ENOX1: variants seen among roughly 807,000 people sequenced by gnomAD.
The protein encoded by ENOX1 is ecto-NOX disulfide-thiol exchanger 1.
A neutral mutation model predicts 82.5 loss-of-function variants in ENOX1; 42 were observed. The observed-to-expected ratio is 0.51, with a 90% CI of 0.40 to 0.66. The LOEUF (loss-of-function observed/expected upper bound fraction) is 0.66, where lower values mean the gene tolerates loss of function less well. Among genes scored for constraint, ENOX1 ranks in the 30% least tolerant of loss-of-function variants. The pLI, the probability that ENOX1 is intolerant of heterozygous loss-of-function variation, is 0.00. For synonymous variants in ENOX1, 271 were observed against 282.2 expected (o/e 0.96, Z 0.40); for missense variants, 608 against 811.6 (o/e 0.75, Z 3.05).
chr13:43,719,274 T>A (rs919123917), intron 1 of ENOX1, among the ~76,000 whole-genome samples: 2 of 150,332 alleles, frequency 1.3e-5, no homozygotes, highest in Non-Finnish European at 2.9e-5. Context: ...ACCACTGAGT[T>A]GTAGTACTCC....
At chr13:43,512,969 G>A (rs1200805044) in intron 2 of ENOX1, among the ~76,000 whole-genome samples, 1 of 152,028 alleles carries the variant, frequency 6.6e-6, no homozygotes, top group Non-Finnish European at 1.5e-5. Flanking sequence ...CTGCCACCAT[G>A]GAGTTTATAG....
At chr13:43,327,076 C>T (rs1159763041) in intron 9 of ENOX1, among the ~76,000 whole-genome samples, 1 of 152,174 alleles carries the variant, frequency 6.6e-6, no homozygotes, top group Non-Finnish European at 1.5e-5. Flanking sequence ...CTCAGGGGGC[C>T]ATTTTTCCTC....
At chr13:43,544,051 G>A (rs955106871) in intron 2 of ENOX1, 2 of 151,398 alleles carry the variant, frequency 1.3e-5, no homozygotes, top group Non-Finnish European at 2.9e-5. Context: ...TAAGTAGCTG[G>A]GATTACAGGC....
At chr13:43,316,699 A>T (rs905454416) in intron 11 of ENOX1, among the ~76,000 whole-genome samples, 18 of 152,128 alleles carry the variant, frequency 1.2e-4, no homozygotes, top group African/African-American at 4.1e-4. Context: ...ACTGCACATG[A>T]AATTAGGGAA....
At chr13:43,665,986 C>T (rs978329779) in intron 2 of ENOX1, among the ~76,000 whole-genome samples, 4 of 150,458 alleles carry the variant, frequency 2.7e-5, no homozygotes, top group Non-Finnish European at 5.9e-5. Flanking sequence ...ATTACAGGCT[C>T]GGTTCCACAC....
At chr13:43,461,128 T>C (rs1173375920) in intron 3 of ENOX1, among the ~76,000 whole-genome samples, 2 of 152,226 alleles carry the variant, frequency 1.3e-5, no homozygotes, top group Non-Finnish European at 2.9e-5. Context: ...AGGTGAGTCT[T>C]TGCCATGGGC....
chr13:43,644,152 T>C (rs1217179168), intron 2 of ENOX1, among the ~76,000 whole-genome samples: 4 of 152,214 alleles, frequency 2.6e-5, no homozygotes, highest in Non-Finnish European at 4.4e-5. Context: ...ACATGTGAGT[T>C]ATCATTATTT....
intron 12 of ENOX1, among the ~76,000 whole-genome samples, chr13:43,277,966 G>C (rs1354367147): frequency 6.6e-6 from 1 of 152,126 alleles, no homozygotes; most frequent in African/African-American, 2.4e-5. Context: ...GGGCACCAAG[G>C]ACGGGGCCTG....
At chr13:43,392,332 C>T (rs1475304518) in intron 5 of ENOX1, among the ~76,000 whole-genome samples, 2 of 152,086 alleles carry the variant, frequency 1.3e-5, no homozygotes, top group East Asian at 1.9e-4. Flanking sequence ...CACAATAAAA[C>T]ATGGTTAATA....
chr13:43,723,409 G>A (rs1490680314), intron 1 of ENOX1, among the ~76,000 whole-genome samples: 2 of 152,056 alleles, frequency 1.3e-5, no homozygotes, highest in African/African-American at 4.8e-5. Context: ...AAATTACTCA[G>A]GAGCCTTGTA....
intron 1 of ENOX1, among the ~76,000 whole-genome samples, chr13:43,742,413 G>GAGAGAC: frequency 6.6e-6 from 1 of 152,032 alleles, no homozygotes; most frequent in African/African-American, 2.4e-5. Flanking sequence ...GAGAGACAGA[G>GAGAGAC]AGAGACAGAG....
chr13:43,761,608 A>G (rs1402832482), intron 1 of ENOX1, among the ~76,000 whole-genome samples: 5 of 152,286 alleles, frequency 3.3e-5, no homozygotes, highest in African/African-American at 1.2e-4. Context: ...GAAGAATTTC[A>G]TTTTGTTGGG....
chr13:43,245,868 C>T (rs1018090144), intron 14 of ENOX1, among the ~76,000 whole-genome samples: 24 of 152,162 alleles, frequency 1.6e-4, no homozygotes, highest in Non-Finnish European at 2.2e-4. Context: ...ATTGCCGGAT[C>T]GGAAGCACAT....
chr13:43,262,420 AT>A (rs1267035612), intron 14 of ENOX1, among the ~76,000 whole-genome samples: 4 of 152,234 alleles, frequency 2.6e-5, no homozygotes, highest in African/African-American at 9.6e-5. Flanking sequence ...AATAATTATA[AT>A]GAAAAATAAT....
chr13:43,711,089 T>G (rs1346258096), intron 1 of ENOX1, among the ~76,000 whole-genome samples: 4 of 105,230 alleles, frequency 3.8e-5, no homozygotes, highest in Admixed American at 1.4e-4. Flanking sequence ...CCCACAACAG[T>G]CCCCAGAGTG....
intron 2 of ENOX1, among the ~76,000 whole-genome samples, chr13:43,616,509 A>G (rs530083245): frequency 1.3e-5 from 2 of 151,918 alleles, no homozygotes; most frequent in South Asian, 4.2e-4. Context: ...GCCGACATAT[A>G]ATATTTTTAA....
intron 3 of ENOX1, among the ~76,000 whole-genome samples, chr13:43,480,399 T>C (rs2058463793): frequency 6.6e-6 from 1 of 152,156 alleles, no homozygotes. Context: ...TGTAGGGAAC[T>C]TAAGAGACTC....
At chr13:43,638,882 A>G (rs1594214162) in intron 2 of ENOX1, among the ~76,000 whole-genome samples, 1 of 152,262 alleles carries the variant, frequency 6.6e-6, no homozygotes. Context: ...CTTCTGGCTC[A>G]GATTAAAACT....
intron 5 of ENOX1, among the ~76,000 whole-genome samples, chr13:43,366,361 G>A (rs543963857): frequency 3.6e-4 from 55 of 151,900 alleles, no homozygotes; most frequent in East Asian, 5.8e-4. Flanking sequence ...TGCAAGCTCC[G>A]CCTCCTGGGT....
Sources: gnomAD v4.1 joint callset for allele counts (sites outside exome capture counted in the v4.1 genomes callset) on GRCh38, gnomAD v4.1.1 for gene constraint, MANE v1.5 for transcripts, NCBI Gene and HGNC (gene_info 2026-07-23, HGNC 2026-07-21) for gene names.